ATRNL1: variants seen among roughly 807,000 people sequenced by gnomAD.
ATRNL1 encodes the protein attractin-like protein 1.
A neutral mutation model predicts 182.7 loss-of-function variants in ATRNL1; 95 were observed. The ratio of observed to expected loss-of-function variants is 0.52; its 90% CI spans 0.44 to 0.62. The LOEUF (loss-of-function observed/expected upper bound fraction) is 0.62, where lower values mean the gene tolerates loss of function less well. Among genes scored for constraint, ATRNL1 ranks in the 20% least tolerant of loss-of-function variants. The pLI, the probability that ATRNL1 is intolerant of heterozygous loss-of-function variation, is 0.00. For missense variants in ATRNL1, 1,471 were observed against 1,679.5 expected, an observed-to-expected ratio of 0.88 and a Z score of 2.17; for synonymous variants, 576 against 568.3, an observed-to-expected ratio of 1.01 and a Z score of -0.19.
chr10:115,223,929 A>ATATATATATATATATTTTTTT (rs1420143943), intron 9 of ATRNL1, among the ~76,000 whole-genome samples: 1 of 44,714 alleles, frequency 2.2e-5, no homozygotes, highest in African/African-American at 9.2e-5. Context: ...ATATATATAT[A>ATATATATATATATATTTTTTT]TTTTTTTTTT....
chr10:115,759,902 C>T (rs1338828812), intron 27 of ATRNL1, among the ~76,000 whole-genome samples: 1 of 134,280 alleles, frequency 7.4e-6, no homozygotes, highest in Non-Finnish European at 1.5e-5. Flanking sequence ...ACCATGTTGG[C>T]AGACTGATCT....
chr10:115,619,272 C>G (rs1565218577), intron 26 of ATRNL1, among the ~76,000 whole-genome samples: 1 of 152,152 alleles, frequency 6.6e-6, no homozygotes, highest in Non-Finnish European at 1.5e-5. Context: ...GTGGTGAGTC[C>G]CATGTGTGGT....
intron 26 of ATRNL1, among the ~76,000 whole-genome samples, chr10:115,680,422 C>T (rs1946009307): frequency 6.6e-6 from 1 of 152,106 alleles, no homozygotes; most frequent in African/African-American, 2.4e-5. Flanking sequence ...GATGTTATTT[C>T]CACTCAGTTT....
rs12264068 is a variant in ATRNL1, at chr10:115,861,883, C to T, written c.4018+13892C>T. Among the ~76,000 whole-genome samples the T allele has an allele frequency of 8.7e-3, 1,330 of 152,116 alleles. 23 individuals are homozygous for T. The highest frequency in any genetic ancestry group is 0.031 in the African/African-American group (1,274 of 41,488). ...CTTTGAGAGGCCAAGGTATGAGGAT[C>T]GCTTGAGGCCAGGAGTCTGAGACAA... On this transcript the variant is annotated intron_variant, in intron 28 of 28. Transcript: ENST00000355044.
At chr10:115,798,858 G>A (rs1565388936) in intron 27 of ATRNL1, among the ~76,000 whole-genome samples, 1 of 133,010 alleles carries the variant, frequency 7.5e-6, no homozygotes, top group Non-Finnish European at 1.5e-5. Flanking sequence ...TCGGAGCCTC[G>A]CTCTGTTGAC....
intron 8 of ATRNL1, among the ~76,000 whole-genome samples, chr10:115,193,463 A>G (rs1554890305): frequency 6.6e-6 from 1 of 151,930 alleles, no homozygotes; most frequent in Non-Finnish European, 1.5e-5. Context: ...GGTATGTTGC[A>G]AGTAATGTAT....
intron 27 of ATRNL1, among the ~76,000 whole-genome samples, chr10:115,799,102 G>A (rs191114389): frequency 3.0e-3 from 456 of 152,194 alleles, no homozygotes; most frequent in African/African-American, 0.01. Context: ...TGGGATTACA[G>A]GCGTGAGACA....
At chr10:115,103,809 C>T (rs2143455701) in intron 1 of ATRNL1, among the ~76,000 whole-genome samples, 1 of 152,266 alleles carries the variant, frequency 6.6e-6, no homozygotes, top group Middle Eastern at 3.4e-3. Flanking sequence ...CTTTCTGTGC[C>T]TGGCTTATTT....
intron 9 of ATRNL1, among the ~76,000 whole-genome samples, chr10:115,223,267 ACT>A (rs1554897891): frequency 1.3e-5 from 2 of 152,070 alleles, no homozygotes; most frequent in African/African-American, 4.8e-5. Context: ...GACGACAGAG[ACT>A]CTGTCTCAAA....
chr10:115,697,651 C>A (rs1946606675), intron 26 of ATRNL1, among the ~76,000 whole-genome samples: 2 of 151,980 alleles, frequency 1.3e-5, no homozygotes, highest in South Asian at 4.1e-4. Flanking sequence ...TAAAAAATTT[C>A]TGTGTGTTAC....
At chr10:115,729,151 G>A (rs183334575) in intron 27 of ATRNL1, among the ~76,000 whole-genome samples, 18 of 152,056 alleles carry the variant, frequency 1.2e-4, no homozygotes, top group East Asian at 1.9e-4. Flanking sequence ...TCAGTTGCAC[G>A]TTAATAGTGT....
intron 28 of ATRNL1, among the ~76,000 whole-genome samples, chr10:115,878,773 G>A (rs575726227): frequency 6.6e-6 from 1 of 150,738 alleles, no homozygotes; most frequent in South Asian, 2.1e-4. Flanking sequence ...TAGTGCCCCT[G>A]ATACTGTGTA....
In ATRNL1 at chr10:115,928,703, T is replaced by C. The variant is rs1953307526; in HGVS notation, c.4019-15955T>C. Among the ~76,000 whole-genome samples the C allele has an allele frequency of 2.6e-5, 4 of 152,078 alleles. No individual in the cohort carries two copies. In the South Asian group the frequency reaches 8.3e-4, roughly 32 times the overall value. On this transcript the variant is annotated intron_variant, in intron 28 of 28. Coordinates refer to ENST00000355044, the MANE Select transcript of ATRNL1 (RefSeq NM_207303.4). ...ATCAAAACCAGAAGTAAAACAGATT[T>C]TTTTTAAATAGAGAAGTATTTTGCT...
At chr10:115,332,212 T>C (rs975302721) in intron 18 of ATRNL1, among the ~76,000 whole-genome samples, 5 of 152,290 alleles carry the variant, frequency 3.3e-5, no homozygotes, top group South Asian at 2.1e-4. Context: ...CTGTGTATAG[T>C]ACTCTAAGGG....
intron 19 of ATRNL1, among the ~76,000 whole-genome samples, chr10:115,344,024 G>T (rs1855866687): frequency 6.6e-6 from 1 of 152,146 alleles, no homozygotes; most frequent in East Asian, 1.9e-4. Flanking sequence ...GCTGGGGGTG[G>T]AGTGACAAAA....
chr10:115,138,841 G>C (rs1182960321), intron 5 of ATRNL1, among the ~76,000 whole-genome samples: 1 of 152,138 alleles, frequency 6.6e-6, no homozygotes, highest in South Asian at 2.1e-4. Flanking sequence ...TTATAAAATG[G>C]GATTTTCTTT....
At chr10:115,481,102 T>A (rs1413494678) in intron 24 of ATRNL1, among the ~76,000 whole-genome samples, 2 of 150,770 alleles carry the variant, frequency 1.3e-5, no homozygotes, top group South Asian at 4.1e-4. Context: ...ATATTCATAA[T>A]AATCCCATAG....
At chr10:115,426,155 T>C (rs1845876025) in intron 20 of ATRNL1, 95 bp from the exon 21 acceptor site, 3 of 884,798 alleles carry the variant, frequency 3.4e-6, no homozygotes, top group Non-Finnish European at 5.4e-6. Context: ...TAAATATGTT[T>C]TGATGTAGAA....
At chr10:115,371,649 T>C (rs1857400976) in intron 19 of ATRNL1, among the ~76,000 whole-genome samples, 1 of 152,230 alleles carries the variant, frequency 6.6e-6, no homozygotes, top group South Asian at 2.1e-4. Context: ...AGGAAGTAAC[T>C]AACTTACTTT....
Sources: gnomAD v4.1 joint callset for allele counts (sites outside exome capture counted in the v4.1 genomes callset) on GRCh38, gnomAD v4.1.1 for gene constraint, MANE v1.5 for transcripts, NCBI Gene and HGNC (gene_info 2026-07-23, HGNC 2026-07-21) for gene names.